The following QTRT2 variants were observed in gnomAD, a reference collection of about 807,000 sequenced individuals.
The protein encoded by QTRT2 is queuine tRNA-ribosyltransferase accessory subunit 2, also known as queuine tRNA-ribosyltransferase domain containing 1.
QTRT2 carries 32 observed loss-of-function variants against 44.8 expected under a neutral mutation model. That is an observed-to-expected ratio of 0.71 (90% CI 0.54 to 0.96). The LOEUF (loss-of-function observed/expected upper bound fraction) is 0.96. Ranked by LOEUF, QTRT2 falls within the 40% of genes least tolerant of loss-of-function variation. The pLI is 0.00. For missense variants in QTRT2, 461 were observed against 503.1 expected (o/e 0.92, Z 0.80); for synonymous variants, 182 against 187.4 (o/e 0.97, Z 0.24).
chr3:114,067,900 G>A, intron 4 of QTRT2, 87 bp from the exon 5 acceptor site: 3 of 1,131,308 alleles, frequency 2.7e-6, no homozygotes, highest in Non-Finnish European at 4.0e-6. Flanking sequence ...TTATTCAGCA[G>A]TACACATTGC....
At position 114,083,305 on chromosome 3, in the gene QTRT2, T is replaced by TTGC. The variant is rs902392191; in HGVS notation, c.1016+520_1016+522dup. ...GTTGTTGCTGTTGTTGTTGTTGCTG[T>TTGC]TGCTGCTGCTGTTGTTGTTGTTGTT... On this transcript the variant is annotated intron_variant, in intron 9 of 9. Coordinates refer to ENST00000281273, the MANE Select transcript of QTRT2 (RefSeq NM_024638.4). Among the ~76,000 whole-genome samples, 21 of 112,638 alleles carry TTGC rather than the reference T, an allele frequency of 1.9e-4. No homozygotes were observed. In the East Asian group the frequency reaches 4.3e-3, roughly 23 times the overall value. The allele number at this position is 112,638 out of a possible 152,430, so 73.9% of individuals were successfully genotyped here. A position where few individuals can be genotyped will look rare whatever the true frequency, so the allele number is the denominator to read the frequency against.
At chr3:114,084,896 G>T (rs899144491) in intron 9 of QTRT2, among the ~76,000 whole-genome samples, 9 of 152,176 alleles carry the variant, frequency 5.9e-5, no homozygotes, top group African/African-American at 1.9e-4. Context: ...GAATGTGAAG[G>T]TTAAATGAGA....
chr3:114,067,940 A>G (rs749408708), intron 4 of QTRT2, 47 bp from the exon 5 acceptor site: 5 of 1,538,132 alleles, frequency 3.3e-6, no homozygotes, highest in East Asian at 4.5e-5. Flanking sequence ...ATACAGTGTC[A>G]TTGTTGATGT....
In QTRT2 at chr3:114,085,871, G is replaced by C. The variant is rs1213536401; in HGVS notation, c.1215G>C (p.Gln405His). ...CACTAAAAAGTGACAAACTGGCACA[G>C]TTGAAAGAGCTCATCCACAGGCAAG... Reference protein sequence around the residue: ...REALKSDKLAQLKELIHRQAS With the variant: ...REALKSDKLAHLKELIHRQAS Residue 405 changes from glutamine to histidine, a missense_variant, in exon 10 of 10, where the codon CAG becomes CAC. Transcript: ENST00000281273. 6.2e-7 allele frequency: 1 copy of C among 1,614,198 alleles called. No individual in the cohort carries two copies. The highest frequency in any genetic ancestry group is 1.7e-5 in the Admixed American group (1 of 60,026).
chr3:114,081,579 A>T (rs1312273321), intron 8 of QTRT2, among the ~76,000 whole-genome samples: 1 of 152,198 alleles, frequency 6.6e-6, no homozygotes, highest in Admixed American at 6.5e-5. Context: ...CTGGGACTAC[A>T]GGTGCATGCC....
chr3:114,061,875 A>T (rs2076890873), intron 2 of QTRT2, among the ~76,000 whole-genome samples: 1 of 152,148 alleles, frequency 6.6e-6, no homozygotes, highest in African/African-American at 2.4e-5. Flanking sequence ...AATGTGCCCA[A>T]CCAAAGCCAC....
At chr3:114,061,906 C>T (rs1423713199) in intron 2 of QTRT2, among the ~76,000 whole-genome samples, 1 of 151,410 alleles carries the variant, frequency 6.6e-6, no homozygotes, top group African/African-American at 2.4e-5. Context: ...TGACTTTCCA[C>T]AGTGTGTTCT....
chr3:114,080,612 A>C (rs938491857), intron 8 of QTRT2, among the ~76,000 whole-genome samples: 8 of 152,190 alleles, frequency 5.3e-5, no homozygotes, highest in African/African-American at 1.9e-4. Context: ...TTCGGATTCT[A>C]ACACTTACCT....
intron 2 of QTRT2, among the ~76,000 whole-genome samples, chr3:114,059,709 A>G (rs1356326199): frequency 6.6e-6 from 1 of 152,172 alleles, no homozygotes; most frequent in African/African-American, 2.4e-5. Flanking sequence ...ACAAAACAGA[A>G]TCACTGACCA....
At chr3:114,062,923 G>A (rs2076907256) in intron 2 of QTRT2, among the ~76,000 whole-genome samples, 1 of 152,190 alleles carries the variant, frequency 6.6e-6, no homozygotes, top group Non-Finnish European at 1.5e-5. Context: ...ACTTTACACA[G>A]CTCAGATGAG....
At chr3:114,058,216 T>C (rs998599138) in intron 2 of QTRT2, among the ~76,000 whole-genome samples, 61 of 152,350 alleles carry the variant, frequency 4.0e-4, no homozygotes, top group African/African-American at 1.3e-3. Flanking sequence ...GAAATTAATT[T>C]AACTTTTATT....
chr3:114,058,166 C>A (rs78876842), intron 2 of QTRT2, among the ~76,000 whole-genome samples: 6,360 of 152,146 alleles, frequency 0.042, 166 homozygotes, highest in Middle Eastern at 0.1. Flanking sequence ...ATAGTAAATA[C>A]CCGATAAATG....
chr3:114,082,204 C>CCACACA (rs71146306), intron 8 of QTRT2, among the ~76,000 whole-genome samples: 2,548 of 138,808 alleles, frequency 0.018, 34 homozygotes, highest in Middle Eastern at 0.025. Flanking sequence ...GATAACCCCA[C>CCACACA]CACACACACA....
Position 114,057,108 on chromosome 3 carries a change from TAG to T in QTRT2, c.-22+5_-22+6del. The T allele has an allele frequency of 7.5e-7, 1 of 1,327,838 alleles. No homozygotes were observed. Among genetic ancestry groups the T allele is most frequent in the Non-Finnish European group, 9.6e-7 (1 of 1,039,300 alleles). 82.3% of individuals were successfully genotyped at this position (1,327,838 alleles called of 1,614,324 possible). A position where few individuals can be genotyped will look rare whatever the true frequency, so the allele number is the denominator to read the frequency against. On this transcript the variant is annotated splice_donor_region_variant and intron_variant, in intron 2 of 9. Coordinates refer to ENST00000281273, the MANE Select transcript of QTRT2 (RefSeq NM_024638.4). Reference sequence around the variant, plus strand: ...CTTTCGACTAGCCTCTGCTGAAAGGTAGAGTTTTCAGGAAGTTTTTATTCCGA... The same window carrying T: ...CTTTCGACTAGCCTCTGCTGAAAGGTAGTTTTCAGGAAGTTTTTATTCCGA...
intron 9 of QTRT2, among the ~76,000 whole-genome samples, chr3:114,085,428 G>T (rs919111000): frequency 1.3e-5 from 2 of 152,142 alleles, no homozygotes; most frequent in Non-Finnish European, 2.9e-5. Flanking sequence ...GGCTGGTCTT[G>T]AACTCCTGAC....
Position 114,088,355 on chromosome 3 carries a change from T to A in QTRT2, c.*2451T>A, listed in dbSNP as rs1339625392. On this transcript the variant is annotated 3_prime_UTR_variant, in exon 10 of 10. Transcript: ENST00000281273. The stretch of plus-strand genomic sequence containing the variant: ...AACATTTTTAATTTTAAAAATTTAC[T>A]GTGTTTGGCTTTCTGTAAATGTAGT... The A allele has an allele frequency of 6.6e-6, 1 of 152,226 alleles. No individual in the cohort carries two copies. The highest frequency in any genetic ancestry group is 1.5e-5 in the Non-Finnish European group (1 of 68,034). The allele number at this position is 152,226 out of a possible 1,614,324, so 9.4% of individuals were successfully genotyped here. A position where few individuals can be genotyped will look rare whatever the true frequency, so the allele number is the denominator to read the frequency against.
intron 7 of QTRT2, chr3:114,079,186 T>G (rs2077131136): frequency 6.6e-6 from 1 of 152,262 alleles, no homozygotes; most frequent in Admixed American, 6.5e-5. Context: ...CCAGGGAGGT[T>G]GTTCAGAAGG....
chr3:114,079,845 A>G (rs1325257278), intron 7 of QTRT2, 61 bp from the exon 8 acceptor site: 1 of 1,518,034 alleles, frequency 6.6e-7, no homozygotes, highest in African/African-American at 1.4e-5. Context: ...CATTAAAAGG[A>G]CTTTCTGATT....
Position 114,067,031 on chromosome 3 carries a change from A to G in QTRT2, c.256+748A>G, listed in dbSNP as rs111814572. Among the ~76,000 whole-genome samples the G allele has an allele frequency of 5.1e-3, 777 of 152,316 alleles. 9 individuals carry two copies. Among genetic ancestry groups the G allele is most frequent in the African/African-American group, 0.017 (704 of 41,564 alleles). Reference sequence around the variant, plus strand: ...TTCTTCTATACACCGCTTTCTCCTAACGCTTTTTCTGGTATCTAGGACTCA... The same window carrying G: ...TTCTTCTATACACCGCTTTCTCCTAGCGCTTTTTCTGGTATCTAGGACTCA... On this transcript the variant is annotated intron_variant, in intron 4 of 9. Coordinates refer to ENST00000281273, the MANE Select transcript of QTRT2 (RefSeq NM_024638.4).
Sources: allele counts gnomAD v4.1 joint callset (sites outside exome capture counted in the v4.1 genomes callset), GRCh38; gene constraint gnomAD v4.1.1; transcripts MANE v1.5; gene names NCBI Gene and HGNC (gene_info 2026-07-23, HGNC 2026-07-21).